The following MARCHF1 variants were observed in gnomAD, a reference collection of about 807,000 sequenced individuals.
MARCHF1 encodes the protein membrane associated ring-CH-type finger 1.
A neutral mutation model predicts 54.2 loss-of-function variants in MARCHF1; 40 were observed. The ratio of observed to expected loss-of-function variants is 0.74; its 90% CI spans 0.57 to 0.96. MARCHF1 has a LOEUF of 0.96. Ranked by LOEUF, MARCHF1 falls within the 40% of genes least tolerant of loss-of-function variation. The pLI, the probability that MARCHF1 is intolerant of heterozygous loss-of-function variation, is 0.00. For synonymous variants in MARCHF1, 236 were observed against 236.3 expected (o/e 1.00, Z 0.01); for missense variants, 586 against 656.5 (o/e 0.89, Z 1.17).
chr4:164,297,422 C>T (rs1443287782), intron 1 of MARCHF1, among the ~76,000 whole-genome samples: 3 of 152,090 alleles, frequency 2.0e-5, no homozygotes, highest in Non-Finnish European at 4.4e-5. Flanking sequence ...GCAAGTCAGT[C>T]TCTAATATTC....
At chr4:164,340,319 C>T (rs1363819914) in intron 1 of MARCHF1, among the ~76,000 whole-genome samples, 3 of 148,074 alleles carry the variant, frequency 2.0e-5, no homozygotes, top group African/African-American at 7.4e-5. Context: ...TTGCTGCAAC[C>T]TCTGCCTCCT....
chr4:163,974,994 A>G (rs62348091), intron 3 of MARCHF1, among the ~76,000 whole-genome samples: 17 of 152,246 alleles, frequency 1.1e-4, no homozygotes, highest in Admixed American at 2.6e-4. Flanking sequence ...AATCTGGGAC[A>G]TAGGATTTTT....
At chr4:164,161,906 G>A (rs1357243188) in intron 1 of MARCHF1, among the ~76,000 whole-genome samples, 3 of 152,080 alleles carry the variant, frequency 2.0e-5, no homozygotes, top group Non-Finnish European at 4.4e-5. Flanking sequence ...GTTCACTGAG[G>A]GACCTGGCAG....
chr4:163,829,710 G>C (rs992980725), intron 4 of MARCHF1, among the ~76,000 whole-genome samples: 3 of 152,138 alleles, frequency 2.0e-5, no homozygotes, highest in African/African-American at 7.2e-5. Flanking sequence ...TGTAAACACT[G>C]TTTCTGCCAG....
intron 1 of MARCHF1, among the ~76,000 whole-genome samples, chr4:164,330,474 C>A (rs114499734): frequency 2.0e-5 from 3 of 152,110 alleles, no homozygotes; most frequent in Non-Finnish European, 4.4e-5. Context: ...TAAAACCCAC[C>A]CGTAGCCACA....
At chr4:163,873,332 G>T (rs544526188) in intron 3 of MARCHF1, among the ~76,000 whole-genome samples, 1 of 152,308 alleles carries the variant, frequency 6.6e-6, no homozygotes, top group African/African-American at 2.4e-5. Flanking sequence ...TTTAGAAATT[G>T]TACTGGTTCT....
intron 3 of MARCHF1, among the ~76,000 whole-genome samples, chr4:163,857,015 A>AAAAT (rs34410156): frequency 0.52 from 67,623 of 131,050 alleles, 18,213 homozygotes; most frequent in Non-Finnish European, 0.58. Flanking sequence ...TTTGTCTCGA[A>AAAAT]AAATAAATAA....
chr4:164,228,047 G>A (rs186169176), intron 1 of MARCHF1, among the ~76,000 whole-genome samples: 1 of 152,242 alleles, frequency 6.6e-6, no homozygotes, highest in Non-Finnish European at 1.5e-5. Context: ...GATATTTTAT[G>A]GTTAAATTAC....
chr4:164,023,938 A>G (rs1289434000), intron 2 of MARCHF1, among the ~76,000 whole-genome samples: 1 of 152,218 alleles, frequency 6.6e-6, no homozygotes, highest in Non-Finnish European at 1.5e-5. Context: ...GAATATCAAA[A>G]TACAATTTGA....
At chr4:164,307,829 C>G (rs1409011350) in intron 1 of MARCHF1, among the ~76,000 whole-genome samples, 1 of 152,060 alleles carries the variant, frequency 6.6e-6, no homozygotes, top group Non-Finnish European at 1.5e-5. Context: ...GTAACAAGAC[C>G]AGGTAAGCCA....
intron 1 of MARCHF1, among the ~76,000 whole-genome samples, chr4:164,261,355 C>T (rs990353858): frequency 1.1e-4 from 16 of 152,096 alleles, no homozygotes; most frequent in African/African-American, 3.9e-4. Context: ...AGAAACTATG[C>T]CTCACACATT....
intron 2 of MARCHF1, among the ~76,000 whole-genome samples, chr4:164,049,226 G>T (rs1358152757): frequency 6.6e-6 from 1 of 152,148 alleles, no homozygotes; most frequent in Non-Finnish European, 1.5e-5. Flanking sequence ...AGACAGCAAG[G>T]AAGTGCCACA....
intron 3 of MARCHF1, among the ~76,000 whole-genome samples, chr4:163,971,470 T>C (rs1752545887): frequency 6.6e-6 from 1 of 152,208 alleles, no homozygotes; most frequent in African/African-American, 2.4e-5. Flanking sequence ...AGTGGACTAA[T>C]TCAAGTCATG....
At chr4:164,169,530 C>G (rs1730469603) in intron 1 of MARCHF1, among the ~76,000 whole-genome samples, 1 of 151,956 alleles carries the variant, frequency 6.6e-6, no homozygotes, top group African/African-American at 2.4e-5. Flanking sequence ...CATAGATTAC[C>G]AAGAAAATAA....
intron 1 of MARCHF1, among the ~76,000 whole-genome samples, chr4:164,180,755 A>C (rs1450331286): frequency 1.3e-5 from 2 of 152,184 alleles, no homozygotes; most frequent in Non-Finnish European, 2.9e-5. Flanking sequence ...ATTTTGTAAG[A>C]TTTAGTAAGT....
intron 5 of MARCHF1, among the ~76,000 whole-genome samples, chr4:163,644,712 A>G (rs1287680531): frequency 6.6e-6 from 1 of 152,212 alleles, no homozygotes; most frequent in African/African-American, 2.4e-5. Flanking sequence ...CAAGGAACTC[A>G]GCTATAGTTC....
At chr4:164,299,253 T>C (rs1734489282) in intron 1 of MARCHF1, among the ~76,000 whole-genome samples, 1 of 152,132 alleles carries the variant, frequency 6.6e-6, no homozygotes, top group Admixed American at 6.6e-5. Context: ...CTCCTAGACT[T>C]AATCTCTTAA....
At chr4:163,529,165 G>T in intron 9 of MARCHF1, 119 bp from the exon 10 acceptor site, 1 of 685,060 alleles carries the variant, frequency 1.5e-6, no homozygotes, top group Non-Finnish European at 2.4e-6. Flanking sequence ...TATGTTAACA[G>T]AAATAATATA....
intron 8 of MARCHF1, among the ~76,000 whole-genome samples, chr4:163,573,366 G>T (rs1057247546): frequency 2.0e-5 from 3 of 150,650 alleles, no homozygotes; most frequent in Admixed American, 2.0e-4. Flanking sequence ...CAATGTGCAG[G>T]TTAGTTACAC....
Sources: allele counts gnomAD v4.1 joint callset (sites outside exome capture counted in the v4.1 genomes callset), GRCh38; gene constraint gnomAD v4.1.1; transcripts MANE v1.5; gene names NCBI Gene and HGNC (gene_info 2026-07-23, HGNC 2026-07-21).